ITGA9: variants seen among roughly 807,000 people sequenced by gnomAD.
ITGA9 encodes integrin alpha-9.
In ITGA9, 56 loss-of-function variants were observed where a neutral mutation model predicts 127.8. The observed-to-expected ratio is 0.44, with a 90% CI of 0.35 to 0.55. The LOEUF (loss-of-function observed/expected upper bound fraction) is 0.55, where lower values mean the gene tolerates loss of function less well. Among genes scored for constraint, ITGA9 ranks in the 20% least tolerant of loss-of-function variants. The probability of loss-of-function intolerance (pLI) is 0.00; values close to 1 mark genes in which losing one functional copy is unlikely to be tolerated. For synonymous variants in ITGA9, 508 were observed against 514.5 expected (o/e 0.99, Z 0.17); for missense variants, 1,196 against 1,347.1 (o/e 0.89, Z 1.76).
intron 15 of ITGA9, among the ~76,000 whole-genome samples, chr3:37,565,563 G>C (rs1431150871): frequency 2.0e-5 from 3 of 152,234 alleles, no homozygotes; most frequent in African/African-American, 7.2e-5. Context: ...GATCATGGGT[G>C]GTGGGTACAG....
intron 8 of ITGA9, among the ~76,000 whole-genome samples, chr3:37,509,260 C>A (rs1402920528): frequency 1.3e-5 from 2 of 152,186 alleles, no homozygotes; most frequent in African/African-American, 2.4e-5. Flanking sequence ...TTCCATTATA[C>A]TGCCCTGTTG....
intron 4 of ITGA9, among the ~76,000 whole-genome samples, chr3:37,488,791 C>G (rs1405238505): frequency 2.7e-5 from 4 of 148,228 alleles, no homozygotes; most frequent in African/African-American, 1.0e-4. Flanking sequence ...GAATGAGACT[C>G]TGTCTCAAAA....
chr3:37,803,936 C>A lies in ITGA9; in HGVS notation c.3003C>A (p.Leu1001=), dbSNP rs768309854. The change falls in exon 27 of 28, where the codon CTC becomes CTA. Residue 1001 remains leucine, a synonymous_variant. Transcript: ENST00000264741. ...TCTTCCTGCTGCTGGCCGTGCTGCT[C>A]TGGAAGGTGAGTCTGGTGATTGCAG... ...ILIFLLLAVL[L]WKMGFFRRRY... is the part of the protein sequence containing the mutation. The A allele has an allele frequency of 1.2e-5, 19 of 1,614,006 alleles. No individual in the cohort carries two copies. Among genetic ancestry groups the A allele is most frequent in the Non-Finnish European group, 1.1e-5 (13 of 1,180,016 alleles).
At chr3:37,635,397 A>G (rs1481786456) in intron 16 of ITGA9, among the ~76,000 whole-genome samples, 1 of 152,190 alleles carries the variant, frequency 6.6e-6, no homozygotes, top group Admixed American at 6.5e-5. Context: ...TTAATATCTT[A>G]ATCTTTTAAA....
At chr3:37,732,893 C>A in intron 19 of ITGA9, 95 bp downstream of exon 19, 1 of 898,098 alleles carries the variant, frequency 1.1e-6, no homozygotes, top group Non-Finnish European at 1.8e-6. Context: ...AGGAGTCCTC[C>A]CACCCCCTGC....
At chr3:37,784,283 G>T (rs572175529) in intron 25 of ITGA9, among the ~76,000 whole-genome samples, 1 of 152,036 alleles carries the variant, frequency 6.6e-6, no homozygotes, top group Non-Finnish European at 1.5e-5. Context: ...CTGTTTTGGC[G>T]CCATTTTCTG....
Position 37,452,986 on chromosome 3 carries a change from C to T in ITGA9, c.185+427C>T, listed in dbSNP as rs1698213546. On this transcript the variant is annotated intron_variant, in intron 1 of 27. Coordinates refer to ENST00000264741, the MANE Select transcript of ITGA9 (RefSeq NM_002207.3). The surrounding 1 kb of genome is among the most constrained non-coding windows in gnomAD (Gnocchi z 7.3). ...GAGGAGTCGGGGCACTGGAGCTGCACCCCTCCCCGGTTTTGGGGAACCCCT... is the reference window on the plus strand; with the variant it reads ...GAGGAGTCGGGGCACTGGAGCTGCATCCCTCCCCGGTTTTGGGGAACCCCT... Among the ~76,000 whole-genome samples the T allele has an allele frequency of 6.6e-6, 1 of 152,212 alleles. No homozygotes were observed. The highest frequency in any genetic ancestry group is 1.5e-5 in the Non-Finnish European group (1 of 68,032).
intron 1 of ITGA9, among the ~76,000 whole-genome samples, chr3:37,455,779 G>A (rs1698249384): frequency 6.6e-6 from 1 of 152,128 alleles, no homozygotes; most frequent in African/African-American, 2.4e-5. Flanking sequence ...CTAGGGAAAG[G>A]GAGGGAGAAG....
chr3:37,517,304 T>A (rs890739477), intron 9 of ITGA9, among the ~76,000 whole-genome samples, 200 bp from the exon 10 acceptor site: 5 of 152,166 alleles, frequency 3.3e-5, no homozygotes, highest in African/African-American at 1.2e-4. Context: ...TGGGAGACCA[T>A]CCTGCTAAGC....
At chr3:37,792,963 C>T (rs981081018) in intron 26 of ITGA9, among the ~76,000 whole-genome samples, 3 of 152,070 alleles carry the variant, frequency 2.0e-5, no homozygotes, top group Middle Eastern at 3.2e-3. Flanking sequence ...AGCACATCCA[C>T]GGTGGCACTC....
intron 20 of ITGA9, among the ~76,000 whole-genome samples, chr3:37,740,162 G>A (rs1575215442): frequency 1.3e-5 from 2 of 152,296 alleles, no homozygotes; most frequent in Non-Finnish European, 1.5e-5. Flanking sequence ...CTGGTTGAGA[G>A]AGGAAGGCAG....
In ITGA9 at chr3:37,485,893, G is replaced by A. The variant is rs188885098; in HGVS notation, c.544+4286G>A. 3.3e-5 allele frequency among the ~76,000 whole-genome samples: 5 copies of A among 152,330 alleles called. No individual in the cohort carries two copies. In the East Asian group the frequency reaches 9.6e-4, roughly 29 times the overall value. On this transcript the variant is annotated intron_variant, in intron 4 of 27. Coordinates refer to ENST00000264741, the MANE Select transcript of ITGA9 (RefSeq NM_002207.3). ...TTTAGTTTGTGTTTGTCTGATGTGA[G>A]AACATCATTACCTACCATATGTTCT...
chr3:37,473,009 C>G (rs1291928389), intron 2 of ITGA9, among the ~76,000 whole-genome samples: 4 of 151,510 alleles, frequency 2.6e-5, no homozygotes, highest in Non-Finnish European at 5.9e-5. Flanking sequence ...TGTGGTGGCG[C>G]ACACCTGTAA....
At chr3:37,790,931 G>A (rs1575239361) in intron 26 of ITGA9, 2 of 152,366 alleles carry the variant, frequency 1.3e-5, no homozygotes, top group African/African-American at 4.8e-5. Context: ...TGAAGAACAG[G>A]AGAAACGTAG....
intron 15 of ITGA9, among the ~76,000 whole-genome samples, chr3:37,612,595 G>A (rs1420727483): frequency 6.6e-6 from 1 of 152,138 alleles, no homozygotes; most frequent in Non-Finnish European, 1.5e-5. Context: ...AAATAAAGAA[G>A]GAAAATTCTT....
intron 17 of ITGA9, among the ~76,000 whole-genome samples, chr3:37,677,132 T>C (rs1251639911): frequency 6.6e-6 from 1 of 152,234 alleles, no homozygotes; most frequent in African/African-American, 2.4e-5. Context: ...TCCTGGGTAA[T>C]TCATTTACCA....
chr3:37,522,065 C>G (rs1167285901), intron 11 of ITGA9, among the ~76,000 whole-genome samples: 1 of 152,056 alleles, frequency 6.6e-6, no homozygotes, highest in African/African-American at 2.4e-5. Context: ...AAACTCCCCC[C>G]TCCTTGCCTT....
chr3:37,758,823 G>A (rs1382038238), intron 23 of ITGA9, among the ~76,000 whole-genome samples: 3 of 152,026 alleles, frequency 2.0e-5, no homozygotes, highest in Non-Finnish European at 4.4e-5. Context: ...CAACTGATTG[G>A]CCCTGAGGAC....
chr3:37,670,919 C>G (rs754418414), intron 17 of ITGA9, among the ~76,000 whole-genome samples: 2 of 152,220 alleles, frequency 1.3e-5, no homozygotes, highest in African/African-American at 2.4e-5. Flanking sequence ...ACTATGATGG[C>G]CCTGCTAACC....
Sources: allele counts gnomAD v4.1 joint callset (sites outside exome capture counted in the v4.1 genomes callset), GRCh38; gene constraint gnomAD v4.1.1; non-coding constraint Gnocchi (gnomAD v3.1); transcripts MANE v1.5; gene names NCBI Gene and HGNC (gene_info 2026-07-23, HGNC 2026-07-21).